Variants in ZMAT4 observed in about 807,000 individuals in gnomAD.
The protein encoded by ZMAT4 is zinc finger matrin-type 4.
In ZMAT4, 17 loss-of-function variants were observed where a neutral mutation model predicts 28.7. The observed-to-expected ratio is 0.59, with a 90% CI of 0.41 to 0.89. The LOEUF (loss-of-function observed/expected upper bound fraction) is 0.89. ZMAT4 is among the 40% of genes least tolerant of loss of function. The probability of loss-of-function intolerance (pLI) is 0.00; values close to 1 mark genes in which losing one functional copy is unlikely to be tolerated. For missense variants in ZMAT4, 240 were observed against 283.8 expected (o/e 0.85, Z 1.11); for synonymous variants, 117 against 109.2 (o/e 1.07, Z -0.44).
rs370340803 is a variant in ZMAT4, at chr8:40,825,559, G to A, written c.102+16C>T. 677 of 1,549,136 alleles carry A rather than the reference G, an allele frequency of 4.4e-4. No individual in the cohort carries two copies. The highest frequency in any genetic ancestry group is 5.3e-4 in the Non-Finnish European group (608 of 1,145,498). On this transcript the variant is annotated intron_variant, in intron 2 of 6. Coordinates refer to ENST00000297737, the MANE Select transcript of ZMAT4 (RefSeq NM_024645.3). ...CCTCCTACATTTGCAAACAGAGTGG[G>A]AAACGCTGTCCTTACCTCGTAGTGG...
At chr8:40,614,130 AC>A (rs1479298610) in intron 5 of ZMAT4, among the ~76,000 whole-genome samples, 1 of 150,920 alleles carries the variant, frequency 6.6e-6, no homozygotes, top group Non-Finnish European at 1.5e-5. Context: ...CTTTCTTTGA[AC>A]CCCCTATGTT....
At chr8:40,846,810 G>A (rs1211790934) in intron 1 of ZMAT4, among the ~76,000 whole-genome samples, 1 of 152,176 alleles carries the variant, frequency 6.6e-6, no homozygotes. Flanking sequence ...ACGGCAGGAG[G>A]AGTTCAGGTA....
chr8:40,793,023 T>C (rs1348964615), intron 2 of ZMAT4, among the ~76,000 whole-genome samples: 1 of 151,978 alleles, frequency 6.6e-6, no homozygotes, highest in African/African-American at 2.4e-5. Flanking sequence ...TGATGGTGGA[T>C]ACATATTATG....
At chr8:40,704,233 A>C (rs986202920) in intron 3 of ZMAT4, among the ~76,000 whole-genome samples, 13 of 152,228 alleles carry the variant, frequency 8.5e-5, no homozygotes, top group South Asian at 4.1e-4. Context: ...AGAATGCAGA[A>C]AATGATGTCT....
chr8:40,769,263 G>A (rs887797204), intron 2 of ZMAT4, among the ~76,000 whole-genome samples: 1 of 151,794 alleles, frequency 6.6e-6, no homozygotes, highest in Non-Finnish European at 1.5e-5. Flanking sequence ...AGTTTTTTTT[G>A]TTTGTTTGTT....
At chr8:40,760,157 G>C (rs1479470972) in intron 3 of ZMAT4, among the ~76,000 whole-genome samples, 1 of 152,132 alleles carries the variant, frequency 6.6e-6, no homozygotes, top group Non-Finnish European at 1.5e-5. Context: ...TACATATGCA[G>C]AGAAACGTTC....
At chr8:40,603,741 G>T (rs1033854568) in intron 5 of ZMAT4, among the ~76,000 whole-genome samples, 2 of 152,076 alleles carry the variant, frequency 1.3e-5, no homozygotes, top group African/African-American at 4.8e-5. Context: ...CCATTCTCCT[G>T]CCTCAGCCTC....
At chr8:40,615,994 A>T (rs893775256) in intron 5 of ZMAT4, among the ~76,000 whole-genome samples, 4 of 152,230 alleles carry the variant, frequency 2.6e-5, no homozygotes, top group Non-Finnish European at 4.4e-5. Flanking sequence ...TCATCTGAAA[A>T]AGGGCTAATA....
chr8:40,832,998 C>T (rs977790135), intron 1 of ZMAT4, among the ~76,000 whole-genome samples: 1 of 152,134 alleles, frequency 6.6e-6, no homozygotes, highest in Non-Finnish European at 1.5e-5. Flanking sequence ...GCTCCCTTTC[C>T]CCTGCCACTG....
chr8:40,589,721 TTCTTCCTTTCCTTTCTTTC>T (rs1804790372), intron 5 of ZMAT4, among the ~76,000 whole-genome samples: 1 of 122,658 alleles, frequency 8.2e-6, no homozygotes, highest in Admixed American at 8.6e-5. Context: ...TCCTTCTTCC[TTCTTCCTTTCCTTTCTTTC>T]TTTCTTTCTT....
intron 1 of ZMAT4, among the ~76,000 whole-genome samples, chr8:40,868,784 A>G (rs771012541): frequency 6.6e-6 from 1 of 152,126 alleles, no homozygotes; most frequent in African/African-American, 2.4e-5. Flanking sequence ...GTGCCTCTCC[A>G]CTGCCTGGCT....
intron 1 of ZMAT4, among the ~76,000 whole-genome samples, chr8:40,881,528 C>CGAAAGAAAGAA (rs1818247028): frequency 1.9e-5 from 1 of 51,916 alleles, no homozygotes; most frequent in Non-Finnish European, 3.8e-5. Context: ...GAGAGAGAGA[C>CGAAAGAAAGAA]AGAAAGAAAG....
At chr8:40,651,852 A>G (rs1232876944) in intron 5 of ZMAT4, among the ~76,000 whole-genome samples, 9 of 118,572 alleles carry the variant, frequency 7.6e-5, no homozygotes, top group East Asian at 5.0e-4. Context: ...TATTTAATAA[A>G]TGGTGCTGGG....
intron 1 of ZMAT4, among the ~76,000 whole-genome samples, chr8:40,874,461 A>T (rs1047245258): frequency 6.6e-6 from 1 of 152,144 alleles, no homozygotes; most frequent in Non-Finnish European, 1.5e-5. Context: ...CATTCACCTT[A>T]ACCCTTTCCT....
chr8:40,767,234 A>T (rs12675644), intron 3 of ZMAT4, among the ~76,000 whole-genome samples: 1 of 152,068 alleles, frequency 6.6e-6, no homozygotes, highest in Admixed American at 6.5e-5. Context: ...CAAACAAGAC[A>T]TTCTGTTTTA....
intron 6 of ZMAT4, among the ~76,000 whole-genome samples, chr8:40,536,369 C>G (rs553524238): frequency 6.6e-6 from 1 of 152,224 alleles, no homozygotes; most frequent in Non-Finnish European, 1.5e-5. Context: ...AGTTTTCTAT[C>G]TGGGATGTTT....
At chr8:40,718,277 C>T (rs1370500271) in intron 3 of ZMAT4, among the ~76,000 whole-genome samples, 3 of 152,196 alleles carry the variant, frequency 2.0e-5, no homozygotes, top group South Asian at 4.1e-4. Flanking sequence ...GTGTCACCAG[C>T]CTGCCATGGA....
At chr8:40,547,473 C>T (rs1803240169) in intron 6 of ZMAT4, among the ~76,000 whole-genome samples, 1 of 152,178 alleles carries the variant, frequency 6.6e-6, no homozygotes, top group African/African-American at 2.4e-5. Context: ...TGGGGCCAGA[C>T]AGATTTGAAT....
chr8:40,582,785 G>C (rs994486878), intron 5 of ZMAT4, among the ~76,000 whole-genome samples: 20 of 152,204 alleles, frequency 1.3e-4, no homozygotes, highest in Admixed American at 1.0e-3. Flanking sequence ...ATGTATGTGA[G>C]AGTGCCCAGC....
Sources: allele counts gnomAD v4.1 joint callset (sites outside exome capture counted in the v4.1 genomes callset), GRCh38; gene constraint gnomAD v4.1.1; transcripts MANE v1.5; gene names NCBI Gene and HGNC (gene_info 2026-07-23, HGNC 2026-07-21).